C10orf105: variants seen among roughly 807,000 people sequenced by gnomAD.
The protein encoded by C10orf105 is uncharacterized protein C10orf105.
C10orf105 carries 2 observed loss-of-function variants against 0.6 expected under a neutral mutation model. The ratio of observed to expected loss-of-function variants is 3.18; its 90% CI spans 1.30 to 10.01. The LOEUF (loss-of-function observed/expected upper bound fraction) is 10.01, where lower values mean the gene tolerates loss of function less well. C10orf105 is among the 30% of genes most tolerant of loss of function. The pLI, the probability that C10orf105 is intolerant of heterozygous loss-of-function variation, is 0.04. For missense variants in C10orf105, 209 were observed against 191.4 expected, an observed-to-expected ratio of 1.09 and a Z score of -0.54; for synonymous variants, 95 against 82.4, an observed-to-expected ratio of 1.15 and a Z score of -0.83.
chr10:71,722,944 A>G (rs1477653738), upstream of C10orf105, among the ~76,000 whole-genome samples: 1 of 152,138 alleles, frequency 6.6e-6, no homozygotes, highest in African/African-American at 2.4e-5. Context: ...TGCTAGAAAG[A>G]CTGACTCAAT....
intron 1 of C10orf105, chr10:71,730,728 C>A: frequency 1.4e-6 from 2 of 1,386,634 alleles, no homozygotes; most frequent in Admixed American, 4.0e-5. Flanking sequence ...CATGTCTAGG[C>A]CAGGGAGGGG....
chr10:71,736,236 C>G (rs927718271), intron 1 of C10orf105, among the ~76,000 whole-genome samples: 1 of 152,266 alleles, frequency 6.6e-6, no homozygotes, highest in African/African-American at 2.4e-5. Flanking sequence ...CCCTGGCTTC[C>G]TCTGAGAGGC....
At chr10:71,721,422 C>T (rs566610026), upstream of C10orf105, among the ~76,000 whole-genome samples, 81 of 152,288 alleles carry the variant, frequency 5.3e-4, no homozygotes, top group African/African-American at 1.8e-3. Context: ...CCAGCCAAGA[C>T]GCTTTGCAAG....
At chr10:71,723,138 G>A (rs1460439038), upstream of C10orf105, among the ~76,000 whole-genome samples, 2 of 152,204 alleles carry the variant, frequency 1.3e-5, no homozygotes, top group Admixed American at 1.3e-4. Flanking sequence ...AGACCCAAAA[G>A]AAGTGGGAGA....
rs1218925014 is a variant in C10orf105, at chr10:71,734,642, G to C, written c.-6+3086C>G. 4.7e-6 allele frequency: 7 copies of C among 1,494,446 alleles called. No homozygotes were observed. Among genetic ancestry groups the C allele is most frequent in the Non-Finnish European group, 5.4e-6 (6 of 1,103,510 alleles). The allele number at this position is 1,494,446 out of a possible 1,614,324, so 92.6% of individuals were successfully genotyped here. ...TTTCTCTCACTCCCCTCCTGCTGCT[G>C]CCTCTGCCTACAGAAGGTGAGTAGC... On this transcript the variant is annotated intron_variant, in intron 1 of 1. Coordinates refer to the C10orf105 transcript ENST00000398786.
At chr10:71,727,593 G>T (rs1589378247) in intron 1 of C10orf105, among the ~76,000 whole-genome samples, 1 of 152,332 alleles carries the variant, frequency 6.6e-6, no homozygotes, top group South Asian at 2.1e-4. Context: ...CAGCCCCAGT[G>T]AGGGGCCGGG....
intron 1 of C10orf105, chr10:71,732,216 T>C (rs756534022): frequency 3.1e-6 from 5 of 1,613,798 alleles, no homozygotes; most frequent in African/African-American, 1.3e-5. Flanking sequence ...AGTTCTCCAA[T>C]GCCTCATACG....
chr10:71,733,186 T>C lies in C10orf105; in HGVS notation c.-6+4542A>G, dbSNP rs1347410920. On this transcript the variant is annotated intron_variant, in intron 1 of 1. Coordinates refer to the C10orf105 transcript ENST00000398786. ...ACTATTACCAAAGTATTATGAAGGA[T>C]AGTCTAAAGGATACCAACAAACAGC... Among the ~76,000 whole-genome samples the C allele has an allele frequency of 5.3e-5, 8 of 152,172 alleles. No individual in the cohort carries two copies. In the East Asian group the frequency reaches 1.5e-3, roughly 29 times the overall value.
intron 1 of C10orf105, chr10:71,730,732 G>A (rs1353792768): frequency 1.9e-5 from 26 of 1,365,762 alleles, no homozygotes; most frequent in African/African-American, 7.1e-5. Context: ...TCTAGGCCAG[G>A]GAGGGGCTGC....
In C10orf105 at chr10:71,712,672, C is replaced by G. The variant is rs750364937; in HGVS notation, c.*3264G>C. ...TTCCTTCAACTCCCACAGACAACGGCCCTGTAGGGAAGCGACACACGGGCA... is the reference window on the plus strand; with the variant it reads ...TTCCTTCAACTCCCACAGACAACGGGCCTGTAGGGAAGCGACACACGGGCA... On this transcript the variant is annotated 3_prime_UTR_variant, in exon 2 of 2. Transcript: ENST00000441508. 7 of 1,613,456 alleles carry G rather than the reference C, an allele frequency of 4.3e-6. No individual in the cohort carries two copies. The highest frequency in any genetic ancestry group is 5.9e-6 in the Non-Finnish European group (7 of 1,179,854).
chr10:71,714,093 T>G lies in C10orf105; in HGVS notation c.*1843A>C, dbSNP rs1231362997. Reference sequence around the variant, plus strand: ...ATTTCTCAGGGAGAAATGCAGCGTCTCAGGATGACTTCTCCAAGGTCCTCT... The same window carrying G: ...ATTTCTCAGGGAGAAATGCAGCGTCGCAGGATGACTTCTCCAAGGTCCTCT... On this transcript the variant is annotated 3_prime_UTR_variant, in exon 2 of 2. Coordinates refer to ENST00000441508, the MANE Select transcript of C10orf105 (RefSeq NM_001164375.3). 6.6e-6 allele frequency: 1 copy of G among 152,140 alleles called. No individual in the cohort carries two copies. The highest frequency in any genetic ancestry group is 1.5e-5 in the Non-Finnish European group (1 of 68,008). 9.4% of individuals were successfully genotyped at this position (152,140 alleles called of 1,614,324 possible).
intron 1 of C10orf105, among the ~76,000 whole-genome samples, chr10:71,719,354 C>T (rs1427400607): frequency 2.0e-5 from 3 of 152,172 alleles, no homozygotes; most frequent in Admixed American, 6.5e-5. Context: ...GGTGCACCAG[C>T]GGGCCCTGCT....
intron 1 of C10orf105, among the ~76,000 whole-genome samples, chr10:71,727,838 C>A (rs1273682160): frequency 6.6e-6 from 1 of 152,186 alleles, no homozygotes; most frequent in Non-Finnish European, 1.5e-5. Context: ...CCAGTTGCTC[C>A]CACTTGCTCA....
intron 1 of C10orf105, among the ~76,000 whole-genome samples, chr10:71,726,848 G>A (rs1866834354): frequency 3.9e-5 from 6 of 152,192 alleles, no homozygotes; most frequent in Admixed American, 3.9e-4. Context: ...ACCCAGGCGT[G>A]GTGGGCTCCT....
Position 71,716,004 on chromosome 10 carries a change from G to A in C10orf105, c.334C>T (p.Arg112Ter), listed in dbSNP as rs745887522. Residue 112 changes from arginine to a stop codon, truncating the protein, a stop_gained, in exon 2 of 2, where the codon CGA (arginine) becomes TGA (stop). Transcript: ENST00000441508. LOFTEE classifies it low-confidence loss of function (END_TRUNC). Reference sequence around the variant, plus strand: ...TCCTCGGGGCCCGGCAGGGGCTGTCGAGGGACGGTGGGCCGGCCATGGCGG... The same window carrying A: ...TCCTCGGGGCCCGGCAGGGGCTGTCAAGGGACGGTGGGCCGGCCATGGCGG... Reference protein sequence around the residue: ...SFRHGRPTVPRQPLPGPEDNR... With the variant: ...SFRHGRPTVP 5.0e-5 allele frequency: 75 copies of A among 1,500,156 alleles called. No individual in the cohort carries two copies. In the African/African-American group the frequency reaches 8.9e-4, roughly 18 times the overall value. The allele number at this position is 1,500,156 out of a possible 1,614,324, so 92.9% of individuals were successfully genotyped here.
chr10:71,723,505 T>C (rs1866656307), upstream of C10orf105, among the ~76,000 whole-genome samples: 1 of 152,052 alleles, frequency 6.6e-6, no homozygotes, highest in Admixed American at 6.5e-5. Context: ...ACTGGGGTGA[T>C]GGTGCGTGTG....
intron 1 of C10orf105, among the ~76,000 whole-genome samples, chr10:71,731,424 C>T (rs1839381459): frequency 6.6e-6 from 1 of 152,220 alleles, no homozygotes; most frequent in East Asian, 1.9e-4. Context: ...GTTTAGGGCA[C>T]ATACGCGGCT....
intron 1 of C10orf105, chr10:71,725,642 T>C: frequency 8.5e-7 from 1 of 1,182,006 alleles, no homozygotes; most frequent in Non-Finnish European, 1.2e-6. Flanking sequence ...AGGTGCTGAA[T>C]GACATCTGGG....
intron 1 of C10orf105, among the ~76,000 whole-genome samples, chr10:71,736,968 C>T (rs1839583905): frequency 6.6e-6 from 1 of 152,144 alleles, no homozygotes. Flanking sequence ...AAAGGAAGAG[C>T]ATTTCGGGCA....
Sources: gnomAD v4.1 joint callset for allele counts (sites outside exome capture counted in the v4.1 genomes callset) on GRCh38, gnomAD v4.1.1 for gene constraint, MANE v1.5 for transcripts, NCBI Gene and HGNC (gene_info 2026-07-23, HGNC 2026-07-21) for gene names.